The following VPS53 variants were observed in gnomAD, a reference collection of about 807,000 sequenced individuals.
The protein encoded by VPS53 is VPS53 subunit of GARP complex.
A neutral mutation model predicts 107.0 loss-of-function variants in VPS53; 70 were observed. The observed-to-expected ratio is 0.65, with a 90% CI of 0.54 to 0.80. The LOEUF (loss-of-function observed/expected upper bound fraction) is 0.80, where lower values mean the gene tolerates loss of function less well. Among genes scored for constraint, VPS53 ranks in the 30% least tolerant of loss-of-function variants. The pLI is 0.00. For missense variants in VPS53, 917 were observed against 1,049.4 expected (o/e 0.87, Z 1.74); for synonymous variants, 409 against 393.3 (o/e 1.04, Z -0.47).
At chr17:592,923 A>G (rs1046016285) in intron 12 of VPS53, among the ~76,000 whole-genome samples, 1 of 152,166 alleles carries the variant, frequency 6.6e-6, no homozygotes, top group African/African-American at 2.4e-5. Context: ...CCTGAATCTG[A>G]ATGTTGGCCT....
At chr17:620,903 C>T (rs543614363) in intron 11 of VPS53, among the ~76,000 whole-genome samples, 3 of 152,238 alleles carry the variant, frequency 2.0e-5, no homozygotes, top group African/African-American at 7.2e-5. Context: ...CCACCGCACC[C>T]GGCCTCTACA....
chr17:603,515 A>G lies in VPS53; in HGVS notation c.1117-1619T>C, dbSNP rs912486959. Among the ~76,000 whole-genome samples the G allele has an allele frequency of 1.3e-5, 2 of 152,244 alleles. 1 individual carries two copies. ...AGACAATACTGCTAACAGTCATTTAATAACTGCTTATTTTTTGGCCAAAAC... is the reference window on the plus strand; with the variant it reads ...AGACAATACTGCTAACAGTCATTTAGTAACTGCTTATTTTTTGGCCAAAAC... On this transcript the variant is annotated intron_variant, in intron 11 of 21. Coordinates refer to ENST00000437048, the MANE Select transcript of VPS53 (RefSeq NM_001128159.3).
intron 11 of VPS53, among the ~76,000 whole-genome samples, chr17:607,558 T>C (rs987712082): frequency 6.6e-6 from 1 of 152,206 alleles, no homozygotes; most frequent in Non-Finnish European, 1.5e-5. Context: ...AGATCACGCT[T>C]CTCAGGCTTG....
chr17:589,377 T>G (rs1967512480), intron 12 of VPS53, among the ~76,000 whole-genome samples: 1 of 152,148 alleles, frequency 6.6e-6, no homozygotes, highest in African/African-American at 2.4e-5. Context: ...GGATGTTAAA[T>G]TTTCTGATTT....
intron 12 of VPS53, among the ~76,000 whole-genome samples, chr17:588,487 G>A (rs1348513229): frequency 1.3e-5 from 2 of 152,004 alleles, no homozygotes; most frequent in African/African-American, 4.8e-5. Flanking sequence ...CGTTGCAATG[G>A]TTAAAAACAT....
rs558184836 is a variant in VPS53 at position 693,866 on chromosome 17, C to A, written c.285+3552G>T. ...GAGTGTTCTTCAGAAGCTTAGGAAGCGAGTGCTGAAAGCAAACTTCTCTTC... is the reference window on the plus strand; with the variant it reads ...GAGTGTTCTTCAGAAGCTTAGGAAGAGAGTGCTGAAAGCAAACTTCTCTTC... On this transcript the variant is annotated intron_variant, in intron 4 of 21. Coordinates refer to ENST00000437048, the MANE Select transcript of VPS53 (RefSeq NM_001128159.3). Among the ~76,000 whole-genome samples the A allele has an allele frequency of 4.6e-5, 7 of 152,312 alleles. No individual in the cohort carries two copies. In the South Asian group the frequency reaches 1.5e-3, roughly 32 times the overall value.
At chr17:648,436 A>G (rs1250667584) in intron 7 of VPS53, among the ~76,000 whole-genome samples, 1 of 152,172 alleles carries the variant, frequency 6.6e-6, no homozygotes, top group South Asian at 2.1e-4. Flanking sequence ...CTGTAGTCCC[A>G]GCTACTTGGG....
intron 12 of VPS53, among the ~76,000 whole-genome samples, chr17:594,459 C>A (rs1045866003): frequency 5.4e-5 from 8 of 149,464 alleles, no homozygotes; most frequent in Non-Finnish European, 1.2e-4. Flanking sequence ...ACTCTAGTGC[C>A]CCCCCTGGAG....
Position 606,747 on chromosome 17 carries a change from T to G in VPS53, c.1117-4851A>C, listed in dbSNP as rs990851392. Among the ~76,000 whole-genome samples the G allele has an allele frequency of 2.0e-5, 3 of 152,260 alleles. No homozygotes were observed. In the South Asian group the frequency reaches 6.2e-4, roughly 32 times the overall value. On this transcript the variant is annotated intron_variant, in intron 11 of 21. Transcript: ENST00000437048. Reference sequence around the variant, plus strand: ...CCTGTCAGGTCTCATAGGCAAACCCTGTTGTGAGCTGCTCATATGAGAGGT... The same window carrying G: ...CCTGTCAGGTCTCATAGGCAAACCCGGTTGTGAGCTGCTCATATGAGAGGT...
At chr17:701,049 C>T (rs1973178524) in intron 2 of VPS53, among the ~76,000 whole-genome samples, 1 of 152,150 alleles carries the variant, frequency 6.6e-6, no homozygotes, top group African/African-American at 2.4e-5. Context: ...TCAGGCTGGA[C>T]GTGATGGCTC....
At chr17:547,708 G>A (rs1332002993) in intron 17 of VPS53, among the ~76,000 whole-genome samples, 2 of 152,032 alleles carry the variant, frequency 1.3e-5, no homozygotes, top group African/African-American at 4.8e-5. Context: ...TGCAATCTTG[G>A]CTCACTACAA....
intron 7 of VPS53, among the ~76,000 whole-genome samples, chr17:643,338 C>A (rs1459300217): frequency 3.7e-5 from 5 of 136,806 alleles, no homozygotes; most frequent in Admixed American, 2.3e-4. Flanking sequence ...TACTTGGCAA[C>A]TGAGGACAAC....
Position 511,970 on chromosome 17 carries a change from G to GGGA in VPS53, c.*7155_*7157dup, listed in dbSNP as rs1273372247. On this transcript the variant is annotated 3_prime_UTR_variant, in exon 22 of 22. Coordinates refer to ENST00000437048, the MANE Select transcript of VPS53 (RefSeq NM_001128159.3). ...GGCAGCCTCGCCACCAGCCCCAGGAGGGAGGAAGCTCTCTTCTCAGTGTCT... is the reference window on the plus strand; with the variant it reads ...GGCAGCCTCGCCACCAGCCCCAGGAGGGAGGAGGAAGCTCTCTTCTCAGTGTCT... 6.6e-6 allele frequency: 1 copy of GGGA among 152,248 alleles called. No individual in the cohort carries two copies. Among genetic ancestry groups the GGGA allele is most frequent in the African/African-American group, 2.4e-5 (1 of 41,448 alleles). The allele number at this position is 152,248 out of a possible 1,614,324, so 9.4% of individuals were successfully genotyped here. A position where few individuals can be genotyped will look rare whatever the true frequency, so the allele number is the denominator to read the frequency against.
At chr17:578,128 A>G (rs1325305566) in intron 13 of VPS53, among the ~76,000 whole-genome samples, 1 of 148,280 alleles carries the variant, frequency 6.7e-6, no homozygotes, top group African/African-American at 2.5e-5. Flanking sequence ...AAACCTTCCT[A>G]AGCAGGTAAT....
intron 12 of VPS53, among the ~76,000 whole-genome samples, chr17:590,627 T>G (rs1249998479): frequency 6.6e-6 from 1 of 152,114 alleles, no homozygotes; most frequent in African/African-American, 2.4e-5. Context: ...CTGCATCTAT[T>G]GAGATAATCA....
intron 18 of VPS53, chr17:536,730 C>T (rs959744061): frequency 1.9e-5 from 6 of 312,260 alleles, no homozygotes; most frequent in Non-Finnish European, 3.0e-5. Context: ...TTGAGTATGA[C>T]ACTGAAATGG....
intron 8 of VPS53, among the ~76,000 whole-genome samples, chr17:630,533 T>G (rs1969914201): frequency 6.6e-6 from 1 of 152,210 alleles, no homozygotes; most frequent in Non-Finnish European, 1.5e-5. Context: ...CCAAGGAAAG[T>G]GCTTTACAAA....
At chr17:657,091 C>T (rs995390467) in intron 5 of VPS53, 4 of 1,046,360 alleles carry the variant, frequency 3.8e-6, no homozygotes, top group Non-Finnish European at 6.0e-6. Flanking sequence ...TCTTGCCAGT[C>T]TCCAAATCAA....
chr17:624,506 A>C (rs896152898), intron 10 of VPS53, among the ~76,000 whole-genome samples: 4 of 152,232 alleles, frequency 2.6e-5, no homozygotes, highest in Non-Finnish European at 5.9e-5. Context: ...AGTAAGGACT[A>C]AGCTACCATC....
Sources: allele counts gnomAD v4.1 joint callset (sites outside exome capture counted in the v4.1 genomes callset), GRCh38; gene constraint gnomAD v4.1.1; transcripts MANE v1.5; gene names NCBI Gene and HGNC (gene_info 2026-07-23, HGNC 2026-07-21).